Variants in BCL2L11 observed in about 807,000 individuals in gnomAD.
BCL2L11 encodes BCL2 like 11.
A neutral mutation model predicts 20.6 loss-of-function variants in BCL2L11; 15 were observed. That is an observed-to-expected ratio of 0.73 (90% CI 0.49 to 1.12). BCL2L11 has a LOEUF of 1.12. BCL2L11 is among the 50% of genes most tolerant of loss of function. The probability of loss-of-function intolerance (pLI) is 0.00; values close to 1 mark genes in which losing one functional copy is unlikely to be tolerated. For missense variants in BCL2L11, 292 were observed against 260.9 expected, an observed-to-expected ratio of 1.12 and a Z score of -0.82; for synonymous variants, 108 against 92.8, an observed-to-expected ratio of 1.16 and a Z score of -0.94.
At chr2:111,155,599 G>A (rs1299148186) in intron 3 of BCL2L11, among the ~76,000 whole-genome samples, 1 of 152,164 alleles carries the variant, frequency 6.6e-6, no homozygotes, top group African/African-American at 2.4e-5. Flanking sequence ...TGAAGCTGGA[G>A]TTGTTTACCT....
At chr2:111,146,000 T>C in intron 2 of BCL2L11, 1 of 984,672 alleles carries the variant, frequency 1.0e-6, no homozygotes, top group Non-Finnish European at 1.2e-6. Context: ...TGCCTGAGTC[T>C]GCTACTTGCA....
At position 111,123,784 on chromosome 2, in the gene BCL2L11, C is replaced by T. The variant is rs112446582; in HGVS notation, c.39C>T (p.Asp13=). 4.1e-3 allele frequency: 5,951 copies of T among 1,448,578 alleles called. 19 individuals carry two copies. Among genetic ancestry groups the T allele is most frequent in the Non-Finnish European group, 4.6e-3 (5,029 of 1,096,064 alleles). 89.7% of individuals were successfully genotyped at this position (1,448,578 alleles called of 1,614,324 possible). The stretch of plus-strand genomic sequence containing the variant: ...CTTCTGATGTAAGTTCTGAGTGTGA[C>T]CGAGAAGGTAGACAATTGCAGCCTG... ...KQPSDVSSEC[D]REGRQLQPAE... The change falls in exon 2 of 4, where the codon GAC becomes GAT. Residue 13 remains aspartate (D), a synonymous_variant. Transcript: ENST00000393256.
At position 111,164,784 on chromosome 2, in the gene BCL2L11, C is replaced by T. The variant is rs564679444; in HGVS notation, c.*553C>T. The T allele has an allele frequency of 2.0e-5, 3 of 152,650 alleles. No individual in the cohort carries two copies. The highest frequency in any genetic ancestry group is 1.3e-4 in the Admixed American group (2 of 15,292). 9.5% of individuals were successfully genotyped at this position (152,650 alleles called of 1,614,324 possible). ...CCCTTCCCTACTATTGCCTCTCTGA[C>T]CTTTTTAAATTATTTTTAATACCAA... On this transcript the variant is annotated 3_prime_UTR_variant, in exon 4 of 4. Coordinates refer to ENST00000393256, the MANE Select transcript of BCL2L11 (RefSeq NM_138621.5).
At chr2:111,121,868 G>A (rs1161729395) in intron 1 of BCL2L11, among the ~76,000 whole-genome samples, 1 of 152,296 alleles carries the variant, frequency 6.6e-6, no homozygotes, top group African/African-American at 2.4e-5. Flanking sequence ...CACCTGGACC[G>A]CGCAGGGGAC....
chr2:111,155,688 CTG>C (rs2077747362), intron 3 of BCL2L11, among the ~76,000 whole-genome samples: 1 of 152,186 alleles, frequency 6.6e-6, no homozygotes, highest in Non-Finnish European at 1.5e-5. Context: ...TCTTGGCTAA[CTG>C]TGACCTGGGC....
chr2:111,123,979 G>A lies in BCL2L11; in HGVS notation c.234G>A (p.Pro78=), dbSNP rs750662386. Residue 78 remains proline, a synonymous_variant, in exon 2 of 4, where the codon CCG becomes CCA. Transcript: ENST00000393256. Reference sequence around the variant, plus strand: ...CTGGCCCTTTTGCTACCAGATCCCCGCTTTTCATCTTTATGAGAAGATCCT... The same window carrying A: ...CTGGCCCTTTTGCTACCAGATCCCCACTTTTCATCTTTATGAGAAGATCCT... ...ASPGPFATRS[P]LFIFMRRSSL... is the part of the protein sequence containing the mutation. 11 of 1,614,160 alleles carry A rather than the reference G, an allele frequency of 6.8e-6. 1 individual carries two copies. Among genetic ancestry groups the A allele is most frequent in the Middle Eastern group, 1.7e-4 (1 of 6,058 alleles).
intron 2 of BCL2L11, 94 bp from the exon 3 acceptor site, chr2:111,149,950 T>G: frequency 1.0e-6 from 1 of 1,000,580 alleles, no homozygotes; most frequent in Non-Finnish European, 1.5e-6. Context: ...AAAGAGTGTG[T>G]GAGATGGGCT....
intron 3 of BCL2L11, among the ~76,000 whole-genome samples, chr2:111,155,712 G>T (rs2077751501): frequency 6.6e-6 from 1 of 152,180 alleles, no homozygotes; most frequent in African/African-American, 2.4e-5. Flanking sequence ...TGTCCTGGTG[G>T]TGGGCTGCAG....
At chr2:111,126,932 A>C (rs1471251199) in intron 2 of BCL2L11, among the ~76,000 whole-genome samples, 1 of 152,104 alleles carries the variant, frequency 6.6e-6, no homozygotes, top group Non-Finnish European at 1.5e-5. Context: ...TGTTTTGCAA[A>C]ACTTTGTTCT....
At chr2:111,122,960 C>T (rs1159284431) in intron 1 of BCL2L11, 1 of 985,280 alleles carries the variant, frequency 1.0e-6, no homozygotes. Context: ...AGGGGAGGGT[C>T]TGTGGGATGA....
chr2:111,122,437 G>C (rs991555132), intron 1 of BCL2L11, among the ~76,000 whole-genome samples: 2 of 152,202 alleles, frequency 1.3e-5, no homozygotes, highest in Non-Finnish European at 2.9e-5. Flanking sequence ...CACGGCCAGA[G>C]CAGCGCTCGG....
Position 111,166,266 on chromosome 2 carries a change from G to A in BCL2L11, c.*2035G>A, listed in dbSNP as rs540426771. 2.0e-5 allele frequency: 3 copies of A among 152,778 alleles called. No individual in the cohort carries two copies. Among genetic ancestry groups the A allele is most frequent in the African/African-American group, 7.2e-5 (3 of 41,466 alleles). The allele number at this position is 152,778 out of a possible 1,614,324, so 9.5% of individuals were successfully genotyped here. On this transcript the variant is annotated 3_prime_UTR_variant, in exon 4 of 4. Coordinates refer to ENST00000393256, the MANE Select transcript of BCL2L11 (RefSeq NM_138621.5). Reference sequence around the variant, plus strand: ...TGTTTCCTCAGCCCTGCAGCCCCTGGGAGCACACACTGGGTGCAGCCCTGG... The same window carrying A: ...TGTTTCCTCAGCCCTGCAGCCCCTGAGAGCACACACTGGGTGCAGCCCTGG...
intron 2 of BCL2L11, among the ~76,000 whole-genome samples, chr2:111,133,376 C>G (rs988062493): frequency 3.9e-5 from 6 of 152,180 alleles, no homozygotes; most frequent in Non-Finnish European, 8.8e-5. Flanking sequence ...CTAGAAATTT[C>G]CTTTCCACCA....
At chr2:111,138,162 C>T (rs567884487) in intron 2 of BCL2L11, among the ~76,000 whole-genome samples, 4 of 152,068 alleles carry the variant, frequency 2.6e-5, no homozygotes, top group African/African-American at 7.2e-5. Flanking sequence ...GCACCCACCA[C>T]GACGCCTGGC....
In BCL2L11 at chr2:111,167,468, A is replaced by C. The variant is rs1483534771; in HGVS notation, c.*3237A>C. 1 of 152,270 alleles carries C rather than the reference A, an allele frequency of 6.6e-6. No homozygotes were observed. The highest frequency in any genetic ancestry group is 1.5e-5 in the Non-Finnish European group (1 of 68,022). The allele number at this position is 152,270 out of a possible 1,614,324, so 9.4% of individuals were successfully genotyped here. On this transcript the variant is annotated 3_prime_UTR_variant, in exon 4 of 4. Coordinates refer to ENST00000393256, the MANE Select transcript of BCL2L11 (RefSeq NM_138621.5). ...CTCCAGGCTTTATCTTTAGGAAAAC[A>C]AAAAAACCAAAGTATTATCAGCAGG...
At chr2:111,142,704 A>G (rs114800971) in intron 2 of BCL2L11, among the ~76,000 whole-genome samples, 1,829 of 152,318 alleles carry the variant, frequency 0.012, 38 homozygotes, top group African/African-American at 0.042. Context: ...GAAGACCTTA[A>G]TGTGAGTTTA....
chr2:111,148,944 A>G (rs769774208), intron 2 of BCL2L11, among the ~76,000 whole-genome samples: 71 of 152,194 alleles, frequency 4.7e-4, no homozygotes, highest in Admixed American at 2.6e-4. Context: ...ACAGGAAGTT[A>G]TGTTCCTTCG....
At chr2:111,144,172 T>G (rs955543718) in intron 2 of BCL2L11, among the ~76,000 whole-genome samples, 1 of 152,252 alleles carries the variant, frequency 6.6e-6, no homozygotes, top group African/African-American at 2.4e-5. Context: ...AAGCACTGTC[T>G]TGAATTCATG....
intron 2 of BCL2L11, among the ~76,000 whole-genome samples, chr2:111,135,358 A>G (rs2074682126): frequency 6.6e-6 from 1 of 152,164 alleles, no homozygotes; most frequent in South Asian, 2.1e-4. Flanking sequence ...TCCAAACAAA[A>G]GAGGGGCCCC....
Sources: gnomAD v4.1 joint callset for allele counts (sites outside exome capture counted in the v4.1 genomes callset) on GRCh38, gnomAD v4.1.1 for gene constraint, MANE v1.5 for transcripts, NCBI Gene and HGNC (gene_info 2026-07-23, HGNC 2026-07-21) for gene names.